Variants in LRP1B observed in about 807,000 individuals in gnomAD.
LRP1B encodes the protein LDL receptor related protein 1B, also known as low-density lipoprotein receptor-related protein 1B.
Under a neutral mutation model 556.6 loss-of-function variants are expected in LRP1B, and 217 were observed. That is an observed-to-expected ratio of 0.39 (90% CI 0.35 to 0.44). The LOEUF is 0.44. Ranked by LOEUF, LRP1B falls within the 20% of genes least tolerant of loss-of-function variation. The pLI, the probability that LRP1B is intolerant of heterozygous loss-of-function variation, is 1.00. For synonymous variants in LRP1B, 2,047 were observed against 1,865.8 expected (o/e 1.10, Z -2.50); for missense variants, 5,053 against 5,620.8 (o/e 0.90, Z 3.23).
At chr2:140,778,558 GT>G (rs777032275) in intron 32 of LRP1B, among the ~76,000 whole-genome samples, 63 of 152,098 alleles carry the variant, frequency 4.1e-4, no homozygotes, top group Non-Finnish European at 7.4e-4. Context: ...AAGAAGCAAT[GT>G]TTTTCAAATG....
chr2:141,416,445 CA>C lies in LRP1B; in HGVS notation c.343+63950del, dbSNP rs1312587762. ...CAGTAAATTCTTAATATTTGACAGC[CA>C]TTTTTTTTTTTTTTTTTTTTTTTGA... On this transcript the variant is annotated intron_variant, in intron 3 of 90. Transcript: ENST00000389484. Among the ~76,000 whole-genome samples, 7 of 130,780 alleles carry C rather than the reference CA, an allele frequency of 5.4e-5. No individual in the cohort carries two copies. The East Asian group carries it at 1.5e-3, about 28-fold the overall frequency. 85.8% of individuals were successfully genotyped at this position (130,780 alleles called of 152,430 possible).
chr2:140,544,352 G>T (rs960868858), intron 43 of LRP1B, among the ~76,000 whole-genome samples: 1 of 151,934 alleles, frequency 6.6e-6, no homozygotes, highest in Non-Finnish European at 1.5e-5. Flanking sequence ...GGATATATGT[G>T]CAAGTTTGTT....
At chr2:141,264,428 T>C (rs1160343812) in intron 3 of LRP1B, among the ~76,000 whole-genome samples, 2 of 152,176 alleles carry the variant, frequency 1.3e-5, no homozygotes, top group African/African-American at 2.4e-5. Context: ...AAATATTCCA[T>C]GGACTGAGTT....
At chr2:140,784,376 C>CCACACACACACACACACACACACACA (rs143661527) in intron 32 of LRP1B, among the ~76,000 whole-genome samples, 6 of 126,574 alleles carry the variant, frequency 4.7e-5, no homozygotes, top group East Asian at 5.2e-4. Flanking sequence ...GATTCTGCCT[C>CCACACACACACACACACACACACACA]CACACACACA....
intron 3 of LRP1B, among the ~76,000 whole-genome samples, chr2:141,319,007 A>T (rs535055387): frequency 2.0e-3 from 304 of 152,186 alleles, no homozygotes; most frequent in Admixed American, 6.7e-3. Flanking sequence ...AAATTCCTAT[A>T]GTTTTCCTTG....
rs2105135519 is a variant in LRP1B at position 140,358,110 on chromosome 2, A to G, written c.11264T>C (p.Leu3755Pro). The G allele has an allele frequency of 1.9e-6, 3 of 1,610,666 alleles. No homozygotes were observed. The highest frequency in any genetic ancestry group is 2.5e-6 in the Non-Finnish European group (3 of 1,177,812). Reference protein sequence around the residue: ...NSDEDHCGGKLTYKARPCKKD... With the variant: ...NSDEDHCGGKPTYKARPCKKD... ...TTTACAAGGCCTTGCTTTATATGTCAGCTTACCTATAGAGTCATACAAAAA... is the reference window on the plus strand; with the variant it reads ...TTTACAAGGCCTTGCTTTATATGTCGGCTTACCTATAGAGTCATACAAAAA... Residue 3755 changes from leucine to proline, a missense_variant, in exon 74 of 91, where the codon CTG becomes CCG. Coordinates refer to ENST00000389484, the MANE Select transcript of LRP1B (RefSeq NM_018557.3).
intron 3 of LRP1B, among the ~76,000 whole-genome samples, chr2:141,321,365 C>T (rs541020565): frequency 1.3e-5 from 2 of 152,208 alleles, no homozygotes; most frequent in South Asian, 2.1e-4. Flanking sequence ...TATCAGAGCT[C>T]AGCTTTTCTA....
At chr2:140,819,462 T>A (rs1268807053) in intron 31 of LRP1B, among the ~76,000 whole-genome samples, 1 of 152,034 alleles carries the variant, frequency 6.6e-6, no homozygotes. Flanking sequence ...AAAAGGTAAG[T>A]ATCAACAAAA....
At chr2:140,962,245 A>G (rs1696059046) in intron 18 of LRP1B, among the ~76,000 whole-genome samples, 1 of 152,130 alleles carries the variant, frequency 6.6e-6, no homozygotes, top group South Asian at 2.1e-4. Flanking sequence ...ATATAAGCAC[A>G]TCATGTAGAA....
chr2:141,169,717 A>G (rs1351241147), intron 7 of LRP1B, among the ~76,000 whole-genome samples: 1 of 151,714 alleles, frequency 6.6e-6, no homozygotes, highest in African/African-American at 2.4e-5. Flanking sequence ...TAAGATTTAA[A>G]CATGGAAATG....
intron 18 of LRP1B, 52 bp from the exon 19 acceptor site, chr2:140,951,992 G>T (rs191392144): frequency 1.6e-6 from 2 of 1,256,260 alleles, no homozygotes; most frequent in African/African-American, 1.5e-5. Flanking sequence ...GACTGTGCAT[G>T]ACATAATTCG....
intron 84 of LRP1B, among the ~76,000 whole-genome samples, chr2:140,295,527 T>A (rs888195969): frequency 2.6e-5 from 4 of 152,182 alleles, no homozygotes; most frequent in African/African-American, 9.6e-5. Context: ...ACCAAAGACC[T>A]AGGCTACTTT....
intron 46 of LRP1B, among the ~76,000 whole-genome samples, chr2:140,536,310 TTAAAAAAAA>T (rs1259688947): frequency 5.4e-5 from 2 of 36,700 alleles, no homozygotes; most frequent in East Asian, 6.9e-4. Flanking sequence ...CCCCGTCTCT[TTAAAAAAAA>T]AAAAAAAAAA....
intron 1 of LRP1B, among the ~76,000 whole-genome samples, chr2:142,084,622 T>C (rs1241628699): frequency 6.6e-6 from 1 of 152,146 alleles, no homozygotes; most frequent in East Asian, 1.9e-4. Flanking sequence ...CAATATTCCT[T>C]CGACCTGAAC....
chr2:140,425,408 C>T (rs901730037), intron 66 of LRP1B, among the ~76,000 whole-genome samples: 3 of 151,956 alleles, frequency 2.0e-5, no homozygotes, highest in Non-Finnish European at 4.4e-5. Context: ...CACTTTCTTC[C>T]CCCAGCCCCG....
Position 141,055,199 on chromosome 2 carries a change from C to T in LRP1B, c.1469G>A (p.Cys490Tyr), listed in dbSNP as rs2105455988. Reference protein sequence around the residue: ...YGMPGGCSHICLLSSSYKTRT... With the variant: ...YGMPGGCSHIYLLSSSYKTRT... ...AGTTTTGTAACTGCTGCTGAGTAGA[C>T]AGATGTGTGAACAGCCCCCTGGCAT... Residue 490 changes from cysteine (C) to tyrosine (Y), a missense_variant, in exon 10 of 91, where the codon TGT (cysteine) becomes TAT (tyrosine). Coordinates refer to ENST00000389484, the MANE Select transcript of LRP1B (RefSeq NM_018557.3). 6.2e-7 allele frequency: 1 copy of T among 1,612,354 alleles called. No homozygotes were observed. Among genetic ancestry groups the T allele is most frequent in the Non-Finnish European group, 8.5e-7 (1 of 1,179,042 alleles).
At chr2:140,881,252 A>AGGTG (rs531850216) in intron 25 of LRP1B, among the ~76,000 whole-genome samples, 2 of 73,074 alleles carry the variant, frequency 2.7e-5, no homozygotes, top group African/African-American at 7.0e-5. Context: ...GCTTTGCTGT[A>AGGTG]AGTGTGTGTG....
chr2:140,853,666 G>A (rs1217660209), intron 27 of LRP1B, among the ~76,000 whole-genome samples: 2 of 136,868 alleles, frequency 1.5e-5, no homozygotes, highest in African/African-American at 5.4e-5. Flanking sequence ...AAGTAATAGT[G>A]TCTTTGTATT....
chr2:141,646,043 C>T (rs1052536736), intron 2 of LRP1B, among the ~76,000 whole-genome samples: 1 of 152,060 alleles, frequency 6.6e-6, no homozygotes, highest in African/African-American at 2.4e-5. Context: ...ATGTCATGTA[C>T]CCTGATTTAA....
Sources: gnomAD v4.1 joint callset for allele counts (sites outside exome capture counted in the v4.1 genomes callset) on GRCh38, gnomAD v4.1.1 for gene constraint, MANE v1.5 for transcripts, NCBI Gene and HGNC (gene_info 2026-07-23, HGNC 2026-07-21) for gene names.